MCC: variants seen among roughly 807,000 people sequenced by gnomAD.
MCC encodes the protein MCC regulator of Wnt signaling pathway.
A neutral mutation model predicts 116.2 loss-of-function variants in MCC; 90 were observed. That is an observed-to-expected ratio of 0.77 (90% confidence interval 0.65 to 0.92). MCC has a LOEUF of 0.92. Among genes scored for constraint, MCC ranks in the 40% least tolerant of loss-of-function variants. MCC has a pLI of 0.00. For missense variants in MCC, 1,516 were observed against 1,312.2 expected, an observed-to-expected ratio of 1.16 and a Z score of -2.40; for synonymous variants, 578 against 510.5, an observed-to-expected ratio of 1.13 and a Z score of -1.78.
intron 1 of MCC, among the ~76,000 whole-genome samples, chr5:113,440,904 G>A (rs1323804091): frequency 6.6e-6 from 1 of 152,204 alleles, no homozygotes; most frequent in Non-Finnish European, 1.5e-5. Context: ...GAATCATAGT[G>A]TGACAGGGAC....
chr5:113,472,968 G>C (rs1020135943), intron 1 of MCC, among the ~76,000 whole-genome samples: 1 of 152,224 alleles, frequency 6.6e-6, no homozygotes, highest in Non-Finnish European at 1.5e-5. Context: ...ATCAACGCAT[G>C]ATGTCAGGTA....
intron 12 of MCC, among the ~76,000 whole-genome samples, chr5:113,069,270 G>C (rs1208517980): frequency 6.6e-6 from 1 of 152,206 alleles, no homozygotes; most frequent in Non-Finnish European, 1.5e-5. Flanking sequence ...CAAAAGCTCT[G>C]ACAAGAGTTT....
chr5:113,203,622 T>C (rs1762787108), intron 3 of MCC, among the ~76,000 whole-genome samples: 1 of 152,162 alleles, frequency 6.6e-6, no homozygotes, highest in South Asian at 2.1e-4. Flanking sequence ...CCAAAGTTTG[T>C]GGCTTTAACA....
At chr5:113,393,922 C>CA (rs1491120790) in intron 1 of MCC, among the ~76,000 whole-genome samples, 2 of 152,138 alleles carry the variant, frequency 1.3e-5, no homozygotes, top group Non-Finnish European at 2.9e-5. Context: ...CCTTGGCCCC[C>CA]TGTTTTTTCA....
At chr5:113,184,591 G>C (rs1227716710) in intron 3 of MCC, among the ~76,000 whole-genome samples, 2 of 148,796 alleles carry the variant, frequency 1.3e-5, no homozygotes, top group Non-Finnish European at 3.0e-5. Context: ...GCCTCTCAAA[G>C]TGCTAGGATT....
At chr5:113,181,862 C>T (rs1009666319) in intron 3 of MCC, among the ~76,000 whole-genome samples, 6 of 152,176 alleles carry the variant, frequency 3.9e-5, no homozygotes, top group Admixed American at 6.5e-5. Context: ...GACTGCAGCT[C>T]ACTGTAAATT....
At position 113,072,560 on chromosome 5, in the gene MCC, T is replaced by G. The variant is rs138600999; in HGVS notation, c.1785-1326A>C. Among the ~76,000 whole-genome samples, 297 of 152,316 alleles carry G rather than the reference T, an allele frequency of 1.9e-3. 10 individuals are homozygous for G. In the East Asian group the frequency reaches 0.052, roughly 27 times the overall value. On this transcript the variant is annotated intron_variant, in intron 11 of 18. Transcript: ENST00000408903. ...ACCCCACTGATCTGTTACTCTTTCC[T>G]TCTTAAAGAGCTCCCCTCACTTAAG...
At chr5:113,417,555 A>G (rs1770190246) in intron 1 of MCC, among the ~76,000 whole-genome samples, 1 of 152,246 alleles carries the variant, frequency 6.6e-6, no homozygotes, top group Non-Finnish European at 1.5e-5. Context: ...AAACTTGGAA[A>G]GAACTTTTCA....
chr5:113,248,371 T>C (rs1018108324), intron 3 of MCC, among the ~76,000 whole-genome samples: 1 of 152,048 alleles, frequency 6.6e-6, no homozygotes, highest in Admixed American at 6.6e-5. Context: ...GGTTATTAGA[T>C]CATGGGCATC....
chr5:113,127,782 T>C (rs1472417165), intron 5 of MCC, among the ~76,000 whole-genome samples: 1 of 152,196 alleles, frequency 6.6e-6, no homozygotes, highest in African/African-American at 2.4e-5. Context: ...TTTTCTCCCA[T>C]TGTGTAAGTT....
intron 5 of MCC, among the ~76,000 whole-genome samples, chr5:113,132,911 C>A (rs1269976689): frequency 6.6e-6 from 1 of 152,176 alleles, no homozygotes; most frequent in Non-Finnish European, 1.5e-5. Context: ...AGGTGGCAGT[C>A]AATGGAATCA....
intron 6 of MCC, among the ~76,000 whole-genome samples, chr5:113,105,644 C>A (rs2150257514): frequency 6.6e-6 from 1 of 152,274 alleles, no homozygotes; most frequent in East Asian, 1.9e-4. Context: ...TGACCACAAC[C>A]TCCAAAACTT....
rs1283105245 is a variant in MCC, at chr5:113,434,705, G to A, written c.171-49493C>T. ...CCAAGAAGTCTGCGGGGGCCTTCTT[G>A]CGGTCGATGATCTTGATCGCCACAT... On this transcript the variant is annotated intron_variant, in intron 1 of 18. Transcript: ENST00000408903. This position sits in a 1 kb window ranked among gnomAD's most constrained non-coding sequence, Gnocchi z 4.2. 14 of 1,614,080 alleles carry A rather than the reference G, an allele frequency of 8.7e-6. No homozygotes were observed. Among genetic ancestry groups the A allele is most frequent in the Non-Finnish European group, 1.2e-5 (14 of 1,179,952 alleles).
At chr5:113,306,926 G>A (rs1208664716) in intron 3 of MCC, among the ~76,000 whole-genome samples, 1 of 151,852 alleles carries the variant, frequency 6.6e-6, no homozygotes. Context: ...TCCTCCCACT[G>A]AATAATTTTT....
At chr5:113,262,878 A>G (rs1000454070) in intron 3 of MCC, among the ~76,000 whole-genome samples, 1 of 152,164 alleles carries the variant, frequency 6.6e-6, no homozygotes, top group Non-Finnish European at 1.5e-5. Flanking sequence ...ACCACTGAGA[A>G]CAGGTGCTCT....
intron 2 of MCC, among the ~76,000 whole-genome samples, chr5:113,346,499 G>A (rs1357609012): frequency 6.6e-6 from 1 of 152,060 alleles, no homozygotes; most frequent in African/African-American, 2.4e-5. Context: ...TACTTGGGAG[G>A]CTGAGCAGGA....
In MCC at chr5:113,392,821, C is replaced by A. The variant is rs114328539; in HGVS notation, c.171-7609G>T. On this transcript the variant is annotated intron_variant, in intron 1 of 18. Coordinates refer to ENST00000408903, the MANE Select transcript of MCC (RefSeq NM_001085377.2). The stretch of plus-strand genomic sequence containing the variant: ...ATATATAAGTGAGGAAATTGAGGAA[C>A]AGAGATGTTAAATAACTAGTCCAGA... Among the ~76,000 whole-genome samples, 462 of 152,136 alleles carry A rather than the reference C, an allele frequency of 3.0e-3. 2 individuals carry two copies. Among genetic ancestry groups the A allele is most frequent in the African/African-American group, 0.011 (452 of 41,506 alleles).
At chr5:113,186,820 G>T (rs1444449085) in intron 3 of MCC, among the ~76,000 whole-genome samples, 1 of 152,092 alleles carries the variant, frequency 6.6e-6, no homozygotes, top group Non-Finnish European at 1.5e-5. Context: ...TCAACCACAT[G>T]CAAGTTTGTT....
intron 3 of MCC, among the ~76,000 whole-genome samples, chr5:113,272,928 G>A (rs934418629): frequency 2.6e-5 from 4 of 152,170 alleles, no homozygotes; most frequent in African/African-American, 9.7e-5. Context: ...TCACAAAAAC[G>A]TAATAATGTT....
Sources: gnomAD v4.1 joint callset for allele counts (sites outside exome capture counted in the v4.1 genomes callset) on GRCh38, gnomAD v4.1.1 for gene constraint, Gnocchi (gnomAD v3.1) non-coding constraint, MANE v1.5 for transcripts, NCBI Gene and HGNC (gene_info 2026-07-23, HGNC 2026-07-21) for gene names.